SYTL2: variants seen among roughly 807,000 people sequenced by gnomAD.
The protein encoded by SYTL2 is synaptotagmin like 2.
A neutral mutation model predicts 198.7 loss-of-function variants in SYTL2; 165 were observed. That is an observed-to-expected ratio of 0.83 (90% CI 0.73 to 0.94). SYTL2 has a LOEUF of 0.94. SYTL2 is among the 40% of genes least tolerant of loss of function. The probability of loss-of-function intolerance (pLI) is 0.00; values close to 1 mark genes in which losing one functional copy is unlikely to be tolerated. For missense variants in SYTL2, 2,835 were observed against 2,582.8 expected, an observed-to-expected ratio of 1.10 and a Z score of -2.12; for synonymous variants, 966 against 917.7, an observed-to-expected ratio of 1.05 and a Z score of -0.95.
chr11:85,806,676 C>T (rs916264900), intron 1 of SYTL2, among the ~76,000 whole-genome samples: 7 of 152,140 alleles, frequency 4.6e-5, no homozygotes, highest in African/African-American at 7.2e-5. Context: ...CAGGAGGAGG[C>T]GTCAAAAGCT....
In SYTL2 at chr11:85,724,825, G is replaced by C. The variant is rs751265112; in HGVS notation, c.4533C>G (p.Thr1511=). The part of the protein sequence containing the change: ...LEKLLKEETE[T]FPSKYESDTG... ...TATCACTTTCATATTTTGAGGGGAA[G>C]GTTTCAGTTTCTTCCTTCAGTAGTT... Residue 1511 remains threonine (T), a synonymous_variant, in exon 8 of 20, where the codon ACC becomes ACG. Transcript: ENST00000359152. 1 of 1,613,742 alleles carries C rather than the reference G, an allele frequency of 6.2e-7. No individual in the cohort carries two copies. The highest frequency in any genetic ancestry group is 1.1e-5 in the South Asian group (1 of 90,952).
At chr11:85,811,986 A>T (rs2093039999), upstream of SYTL2, among the ~76,000 whole-genome samples, 1 of 152,204 alleles carries the variant, frequency 6.6e-6, no homozygotes, top group Non-Finnish European at 1.5e-5. Context: ...GAGCGCCCGT[A>T]GTCCCAACTA....
rs777591104 is a variant in SYTL2 at position 85,724,322 on chromosome 11, A to G, written c.5036T>C (p.Val1679Ala). 2 of 1,579,866 alleles carry G rather than the reference A, an allele frequency of 1.3e-6. No homozygotes were observed. The highest frequency in any genetic ancestry group is 1.7e-4 in the Middle Eastern group (1 of 5,838). The change falls in exon 8 of 20, where the codon GTA (valine) becomes GCA (alanine). Residue 1679 changes from valine (V) to alanine (A), a missense_variant. By Grantham distance (64) the Val-to-Ala change is moderately conservative. Coordinates refer to ENST00000359152, the MANE Select transcript of SYTL2 (RefSeq NM_206927.4). Reference protein sequence around the residue: ...VAHEIGTIKTVTPPEDRDSES... With the variant: ...VAHEIGTIKTATPPEDRDSES... ...ACTGTCCCTGTCCTCTGGGGGGGTTACAGTTTTAATGGTCCCTATTTCATG... is the reference window on the plus strand; with the variant it reads ...ACTGTCCCTGTCCTCTGGGGGGGTTGCAGTTTTAATGGTCCCTATTTCATG...
chr11:85,743,824 G>C (rs2090969339), intron 4 of SYTL2, among the ~76,000 whole-genome samples: 1 of 152,016 alleles, frequency 6.6e-6, no homozygotes, highest in African/African-American at 2.4e-5. Context: ...CAGATAAAAT[G>C]GGGCAATGAG....
chr11:85,733,943 A>G lies in SYTL2; in HGVS notation c.1386T>C (p.Pro462=), dbSNP rs1395389679. The G allele has an allele frequency of 6.2e-7, 1 of 1,613,404 alleles. No individual in the cohort carries two copies. The highest frequency in any genetic ancestry group is 8.5e-7 in the Non-Finnish European group (1 of 1,179,632). Residue 462 remains proline, a synonymous_variant, in exon 7 of 20, where the codon CCT becomes CCC. Coordinates refer to ENST00000359152, the MANE Select transcript of SYTL2 (RefSeq NM_206927.4). ...TAGTAGTGACAACTCTCTTACCAGC[A>G]GGGCTTCTGGGTAATACAGATTCAA... ...TRLESVLPRS[P]ADELSHCVEP... is the part of the protein sequence containing the mutation.
At chr11:85,750,158 T>G (rs1471834986) in intron 2 of SYTL2, among the ~76,000 whole-genome samples, 1 of 152,048 alleles carries the variant, frequency 6.6e-6, no homozygotes, top group African/African-American at 2.4e-5. Context: ...TACATCCAAA[T>G]CTCAGTTCTG....
chr11:85,847,895 T>C, the SYTL2 span, among the ~76,000 whole-genome samples: 1 of 152,184 alleles, frequency 6.6e-6, no homozygotes, highest in South Asian at 2.1e-4. Context: ...TTGCAAACGT[T>C]TTCTTCCAGA....
At chr11:85,823,207 G>T in the SYTL2 span, among the ~76,000 whole-genome samples, 1 of 152,218 alleles carries the variant, frequency 6.6e-6, no homozygotes, top group African/African-American at 2.4e-5. Context: ...ATCCAAAGCA[G>T]TTTCTGACAC....
chr11:85,764,407 C>T (rs1195103201), intron 1 of SYTL2, among the ~76,000 whole-genome samples: 5 of 152,204 alleles, frequency 3.3e-5, no homozygotes, highest in Admixed American at 3.3e-4. Flanking sequence ...AACACTGGCG[C>T]TCAAGTTAAA....
intron 2 of SYTL2, among the ~76,000 whole-genome samples, chr11:85,748,747 G>C (rs901444458): frequency 3.3e-5 from 5 of 152,154 alleles, no homozygotes; most frequent in Non-Finnish European, 2.9e-5. Context: ...GGGATAATAC[G>C]GTAGGCTTCC....
the SYTL2 span, among the ~76,000 whole-genome samples, chr11:85,836,692 T>A: frequency 1.3e-5 from 2 of 152,078 alleles, no homozygotes; most frequent in Non-Finnish European, 2.9e-5. Context: ...ACTTAGTAAT[T>A]GAAAGAAAAC....
intron 1 of SYTL2, among the ~76,000 whole-genome samples, chr11:85,794,738 T>C (rs954808917): frequency 6.6e-6 from 1 of 152,188 alleles, no homozygotes; most frequent in Non-Finnish European, 1.5e-5. Flanking sequence ...GTACAGGAAG[T>C]AAGTCTCAAA....
At chr11:85,841,937 C>T in the SYTL2 span, among the ~76,000 whole-genome samples, 1 of 152,204 alleles carries the variant, frequency 6.6e-6, no homozygotes, top group African/African-American at 2.4e-5. Context: ...CTGGCATTCT[C>T]ACAGTATGGC....
chr11:85,724,928 T>C lies in SYTL2; in HGVS notation c.4430A>G (p.Gln1477Arg), dbSNP rs1255176770. The C allele has an allele frequency of 1.9e-6, 3 of 1,614,134 alleles. No individual in the cohort carries two copies. Among genetic ancestry groups the C allele is most frequent in the Admixed American group, 3.3e-5 (2 of 60,018 alleles). The part of the protein sequence containing the change: ...IVAQYGKGLP[Q>R]EVEEIVRETI... The stretch of plus-strand genomic sequence containing the variant: ...TTCCCTCACAATTTCTTCCACTTCC[T>C]GAGGGAGGCCTTTGCCATATTGAGC... Residue 1477 changes from glutamine to arginine, a missense_variant, in exon 8 of 20, where the codon CAG becomes CGG. Physicochemically the swap from Gln to Arg is conservative, Grantham distance 43. This residue lies in a region of SYTL2 where 2,645 missense variants were observed against 2,381.7 expected (regional missense o/e 1.11). Transcript: ENST00000359152.
the SYTL2 span, among the ~76,000 whole-genome samples, chr11:85,832,032 C>T: frequency 3.9e-5 from 6 of 152,108 alleles, no homozygotes; most frequent in Admixed American, 3.9e-4. Context: ...TATATAGTGA[C>T]TCATCAAGGG....
chr11:85,820,449 C>G, the SYTL2 span, among the ~76,000 whole-genome samples: 1 of 152,042 alleles, frequency 6.6e-6, no homozygotes, highest in African/African-American at 2.4e-5. Flanking sequence ...CATTTAATAC[C>G]CAGAAAAAGA....
At chr11:85,797,296 A>G (rs1447327658) in intron 1 of SYTL2, among the ~76,000 whole-genome samples, 2 of 152,170 alleles carry the variant, frequency 1.3e-5, no homozygotes, top group East Asian at 1.9e-4. Context: ...ACATTTTGAA[A>G]ACTGTAAAGT....
chr11:85,762,649 G>T lies in SYTL2; in HGVS notation c.-389-4535C>A, dbSNP rs1304834707. On this transcript the variant is annotated intron_variant, in intron 1 of 19. Transcript: ENST00000359152. ...CAGTTCTTCTTGCCTTCAGGCTTTTGCATGTGCTGTTCCTTCGTCCTGGAA... is the reference window on the plus strand; with the variant it reads ...CAGTTCTTCTTGCCTTCAGGCTTTTTCATGTGCTGTTCCTTCGTCCTGGAA... Among the ~76,000 whole-genome samples, 3 of 152,138 alleles carry T rather than the reference G, an allele frequency of 2.0e-5. No individual in the cohort carries two copies. In the East Asian group the frequency reaches 5.8e-4, roughly 29 times the overall value.
At chr11:85,788,940 T>C (rs12365370) in intron 1 of SYTL2, among the ~76,000 whole-genome samples, 5,774 of 151,272 alleles carry the variant, frequency 0.038, 175 homozygotes, top group East Asian at 0.11. Context: ...AAAGCAACGG[T>C]CTCAAAAATA....
Sources: allele counts gnomAD v4.1 joint callset (sites outside exome capture counted in the v4.1 genomes callset), GRCh38; gene constraint gnomAD v4.1.1; regional missense constraint gnomAD v4.1.1; transcripts MANE v1.5; gene names NCBI Gene and HGNC (gene_info 2026-07-23, HGNC 2026-07-21).